Variants in PCDH1 observed in about 807,000 individuals in gnomAD.
PCDH1 encodes the protein protocadherin-1.
PCDH1 carries 23 observed loss-of-function variants against 74.6 expected under a neutral mutation model. The ratio of observed to expected loss-of-function variants is 0.31; its 90% CI spans 0.22 to 0.44. The LOEUF (loss-of-function observed/expected upper bound fraction) is 0.44. Ranked by LOEUF, PCDH1 falls within the 20% of genes least tolerant of loss-of-function variation. The pLI, the probability that PCDH1 is intolerant of heterozygous loss-of-function variation, is 1.00. For missense variants in PCDH1, 1,214 were observed against 1,641.4 expected (o/e 0.74, Z 4.50); for synonymous variants, 647 against 686.1 (o/e 0.94, Z 0.89).
chr5:141,867,537 T>G (rs1272526611), intron 2 of PCDH1: 1 of 453,600 alleles, frequency 2.2e-6, no homozygotes, highest in African/African-American at 2.0e-5. Context: ...GCACCTAGGC[T>G]ATTATTATTT....
chr5:141,853,987 C>T lies in PCDH1; in HGVS notation c.*55G>A. 1 of 1,429,252 alleles carries T rather than the reference C, an allele frequency of 7.0e-7. No individual in the cohort carries two copies. The highest frequency in any genetic ancestry group is 9.3e-7 in the Non-Finnish European group (1 of 1,076,900). The allele number at this position is 1,429,252 out of a possible 1,614,324, so 88.5% of individuals were successfully genotyped here. A position where few individuals can be genotyped will look rare whatever the true frequency, so the allele number is the denominator to read the frequency against. ...TGGAGAGTGAGGCCCTGGAATGGGC[C>T]ATTTGGGAGCTGGCCGGCGGCTGGG... is the stretch of plus-strand genomic sequence containing the variant. On this transcript the variant is annotated 3_prime_UTR_variant, in exon 5 of 5. Transcript: ENST00000287008.
intron 3 of PCDH1, among the ~76,000 whole-genome samples, chr5:141,861,115 CAAAA>C (rs59007688): frequency 3.2e-5 from 2 of 61,922 alleles, no homozygotes; most frequent in East Asian, 5.4e-4. Context: ...AACTCCATCT[CAAAA>C]AAAAAAAAAA....
chr5:141,862,223 C>T (rs984983355), intron 3 of PCDH1, among the ~76,000 whole-genome samples: 1 of 152,134 alleles, frequency 6.6e-6, no homozygotes, highest in Non-Finnish European at 1.5e-5. Context: ...CTGCCTTCAC[C>T]TAAGGCAGGA....
chr5:141,857,282 T>G lies in PCDH1; in HGVS notation c.3289A>C (p.Ser1097Arg). The change falls in exon 4 of 5, where the codon AGC (serine) becomes CGC (arginine). Residue 1097 changes from serine to arginine, a missense_variant. Around this residue, in one of 4 missense-constraint regions of PCDH1, gnomAD observed 194 missense variants for 198.3 expected, o/e 0.98. Coordinates refer to ENST00000287008, the MANE Select transcript of PCDH1 (RefSeq NM_032420.5). Reference sequence around the variant, plus strand: ...TCGGGGTGCTCCATCTCTCCTATGCTGCCATCAGGGGTGGTGCGCTCATAG... The same window carrying G: ...TCGGGGTGCTCCATCTCTCCTATGCGGCCATCAGGGGTGGTGCGCTCATAG... ...DHYERTTPDG[S>R]IGEMEHPEND... The G allele has an allele frequency of 6.2e-7, 1 of 1,605,116 alleles. No individual in the cohort carries two copies. The highest frequency in any genetic ancestry group is 8.5e-7 in the Non-Finnish European group (1 of 1,175,856).
At chr5:141,854,537 G>C (rs975683593) in intron 4 of PCDH1, 101 bp from the exon 5 acceptor site, 2 of 1,251,766 alleles carry the variant, frequency 1.6e-6, no homozygotes, top group Non-Finnish European at 2.2e-6. Context: ...CTCAGGACAG[G>C]AGTATGCGCC....
chr5:141,862,910 C>G (rs554780886), intron 3 of PCDH1: 12 of 1,219,754 alleles, frequency 9.8e-6, no homozygotes, highest in African/African-American at 1.6e-5. Context: ...TCCCCACTTA[C>G]GCTCACCTGC....
rs760194220 is a variant in PCDH1 at position 141,869,196 on chromosome 5, T to C, written c.276A>G (p.Leu92=). The C allele has an allele frequency of 6.2e-7, 1 of 1,613,966 alleles. No homozygotes were observed. The change falls in exon 2 of 5, where the codon CTA becomes CTG. Residue 92 remains leucine (L), a synonymous_variant. Coordinates refer to ENST00000287008, the MANE Select transcript of PCDH1 (RefSeq NM_032420.5). The surrounding 1 kb of genome is among the most constrained non-coding windows in gnomAD (Gnocchi z 4.9). Reference sequence around the variant, plus strand: ...CGCGAAGGTACGGGGCACCCACCTCTAGCTTGTACAGGTGCCCCACATCTG... The same window carrying C: ...CGCGAAGGTACGGGGCACCCACCTCCAGCTTGTACAGGTGCCCCACATCTG... ...GFPDVGHLYK[L]EVGAPYLRVD...
intron 3 of PCDH1, among the ~76,000 whole-genome samples, chr5:141,861,348 T>C (rs1029418574): frequency 6.6e-6 from 1 of 151,800 alleles, no homozygotes; most frequent in African/African-American, 2.4e-5. Flanking sequence ...TGACAACAGG[T>C]GGTGTGGTTT....
chr5:141,860,287 C>A (rs560512187), intron 3 of PCDH1, among the ~76,000 whole-genome samples: 25 of 152,186 alleles, frequency 1.6e-4, no homozygotes, highest in African/African-American at 5.5e-4. Flanking sequence ...CTGAGGTGGG[C>A]AGATCGCTTG....
Position 141,869,693 on chromosome 5 carries a change from C to T in PCDH1, c.41-262G>A. On this transcript the variant is annotated intron_variant, in intron 1 of 4. Transcript: ENST00000287008. The surrounding 1 kb of genome is among the most constrained non-coding windows in gnomAD (Gnocchi z 4.9). ...CCTAGAGCAGCTCCCGCCCATGGAA[C>T]ACCCTCACCCACCTGACGCTCCCTG... 1 of 1,507,070 alleles carries T rather than the reference C, an allele frequency of 6.6e-7. No individual in the cohort carries two copies. The highest frequency in any genetic ancestry group is 2.0e-5 in the Admixed American group (1 of 49,024). The allele number at this position is 1,507,070 out of a possible 1,614,324, so 93.4% of individuals were successfully genotyped here.
intron 3 of PCDH1, among the ~76,000 whole-genome samples, chr5:141,860,055 G>A (rs1289384504): frequency 6.6e-6 from 1 of 152,108 alleles, no homozygotes; most frequent in East Asian, 1.9e-4. Flanking sequence ...GTGACCCTGT[G>A]AGGAGGCAGG....
intron 4 of PCDH1, among the ~76,000 whole-genome samples, chr5:141,855,250 C>T (rs1752290132): frequency 6.6e-6 from 1 of 152,164 alleles, no homozygotes; most frequent in Admixed American, 6.5e-5. Flanking sequence ...GTTGGAATTA[C>T]AGGCATGAGC....
At chr5:141,874,847 G>A (rs1054752738) in intron 1 of PCDH1, among the ~76,000 whole-genome samples, 2 of 152,036 alleles carry the variant, frequency 1.3e-5, no homozygotes, top group African/African-American at 4.8e-5. Context: ...CGCGGGGAGA[G>A]GGGAAGAAAA....
Position 141,863,461 on chromosome 5 carries a change from T to C in PCDH1, c.2870A>G (p.Asn957Ser). 2 of 1,581,736 alleles carry C rather than the reference T, an allele frequency of 1.3e-6. No individual in the cohort carries two copies. The highest frequency in any genetic ancestry group is 1.7e-6 in the Non-Finnish European group (2 of 1,162,982). Residue 957 changes from asparagine (N) to serine (S), a missense_variant, in exon 3 of 5, where the codon AAC becomes AGC. Physicochemically the swap from Asn to Ser is conservative, Grantham distance 46. Transcript: ENST00000287008. The surrounding 1 kb of genome is among the most constrained non-coding windows in gnomAD (Gnocchi z 7.5). ...CAGGTCAGGGCTGCCTGGTGGGTAGTTGAGGGGCAGGTGGATGCGGGGACT... is the reference window on the plus strand; with the variant it reads ...CAGGTCAGGGCTGCCTGGTGGGTAGCTGAGGGGCAGGTGGATGCGGGGACT... ...GDSPRIHLPL[N>S]YPPGSPDLGR... is the part of the protein sequence containing the mutation.
chr5:141,854,737 T>A (rs1288234234), intron 4 of PCDH1, among the ~76,000 whole-genome samples: 1 of 152,082 alleles, frequency 6.6e-6, no homozygotes, highest in East Asian at 1.9e-4. Context: ...AATGGCGCAA[T>A]CTCGGCTTAC....
Position 141,865,183 on chromosome 5 carries a change from T to C in PCDH1, c.1148A>G (p.Asn383Ser). Residue 383 changes from asparagine (N) to serine (S), a missense_variant, in exon 3 of 5, where the codon AAT becomes AGT. Asn to Ser is a conservative substitution (Grantham distance 46, BLOSUM62 1). Coordinates refer to ENST00000287008, the MANE Select transcript of PCDH1 (RefSeq NM_032420.5). The surrounding 1 kb of genome is among the most constrained non-coding windows in gnomAD (Gnocchi z 4.4). ...VVVTVKDMND[N>S]APTIEIRGIG... ...GCCCCGGATCTCAATGGTGGGGGCA[T>C]TGTCATTCATGTCCTTCACGGTCAC... is the stretch of plus-strand genomic sequence containing the variant. The C allele has an allele frequency of 6.2e-7, 1 of 1,614,106 alleles. No homozygotes were observed. The highest frequency in any genetic ancestry group is 8.5e-7 in the Non-Finnish European group (1 of 1,180,024).
chr5:141,861,571 T>C (rs2126810820), intron 3 of PCDH1, among the ~76,000 whole-genome samples: 1 of 152,168 alleles, frequency 6.6e-6, no homozygotes, highest in South Asian at 2.1e-4. Flanking sequence ...GATCACGATA[T>C]GGTTAGATCT....
intron 1 of PCDH1, among the ~76,000 whole-genome samples, chr5:141,871,060 C>T (rs944456693): frequency 6.6e-6 from 1 of 152,206 alleles, no homozygotes; most frequent in Non-Finnish European, 1.5e-5. Flanking sequence ...AATCATGGGG[C>T]TGACTGGGAC....
chr5:141,863,764 C>G lies in PCDH1; in HGVS notation c.2567G>C (p.Gly856Ala). The G allele has an allele frequency of 6.2e-7, 1 of 1,614,198 alleles. No individual in the cohort carries two copies. Among genetic ancestry groups the G allele is most frequent in the Non-Finnish European group, 8.5e-7 (1 of 1,180,012 alleles). ...CACGGCCACCACACCAGCCACCACA[C>G]CAAAGAGAATGTTGCCACGCTGCTT... ...RSKQRGNILF[G>A]VVAGVVAVAL... The change falls in exon 3 of 5, where the codon GGT (glycine) becomes GCT (alanine). Residue 856 changes from glycine (G) to alanine (A), a missense_variant. Around this residue, in one of 4 missense-constraint regions of PCDH1, gnomAD observed 836 missense variants for 1,182.2 expected, o/e 0.71. Transcript: ENST00000287008. This position sits in a 1 kb window ranked among gnomAD's most constrained non-coding sequence, Gnocchi z 7.5.
Sources: gnomAD v4.1 joint callset for allele counts (sites outside exome capture counted in the v4.1 genomes callset) on GRCh38, gnomAD v4.1.1 for gene constraint, gnomAD v4.1.1 regional missense constraint, Gnocchi (gnomAD v3.1) non-coding constraint, MANE v1.5 for transcripts, NCBI Gene and HGNC (gene_info 2026-07-23, HGNC 2026-07-21) for gene names.